Variants in GPR157 observed in about 807,000 individuals in gnomAD.
GPR157 encodes the protein G-protein coupled receptor 157.
A neutral mutation model predicts 23.5 loss-of-function variants in GPR157; 16 were observed. The observed-to-expected ratio is 0.68, with a 90% CI of 0.46 to 1.04. The LOEUF (loss-of-function observed/expected upper bound fraction) is 1.04. Ranked by LOEUF, GPR157 falls within the 50% of genes least tolerant of loss-of-function variation. The pLI is 0.00. For synonymous variants in GPR157, 200 were observed against 221.5 expected, an observed-to-expected ratio of 0.90 and a Z score of 0.86; for missense variants, 440 against 460.7, an observed-to-expected ratio of 0.96 and a Z score of 0.41.
chr1:9,109,908 A>C (rs1638437529), intron 2 of GPR157, among the ~76,000 whole-genome samples: 1 of 152,104 alleles, frequency 6.6e-6, no homozygotes, highest in East Asian at 1.9e-4. Context: ...GTGCCTCCTG[A>C]CTCAGAAATG....
intron 1 of GPR157, among the ~76,000 whole-genome samples, chr1:9,114,915 C>T (rs1277204074): frequency 2.1e-4 from 23 of 109,036 alleles, no homozygotes; most frequent in African/African-American, 7.4e-4. Context: ...AGCGAGACTC[C>T]GTCTCAAAAA....
intron 2 of GPR157, among the ~76,000 whole-genome samples, chr1:9,109,128 G>T (rs758095716): frequency 7.0e-6 from 1 of 143,730 alleles, no homozygotes; most frequent in Non-Finnish European, 1.5e-5. Flanking sequence ...TGTGGCCCAG[G>T]CTAGAGTACA....
In GPR157 at chr1:9,128,783, T is replaced by C; in HGVS notation, c.245A>G (p.Gln82Arg). 2 of 1,611,766 alleles carry C rather than the reference T, an allele frequency of 1.2e-6. No homozygotes were observed. The highest frequency in any genetic ancestry group is 1.7e-6 in the Non-Finnish European group (2 of 1,178,884). ...FAGPSWDCVL[Q>R]GALSTFANTS... ...GTTGGCGAAGGTGGACAGCGCGCCC[T>C]GCAGCACGCAGTCCCACGACGGGCC... Residue 82 changes from glutamine to arginine, a missense_variant, in exon 1 of 4, where the codon CAG becomes CGG. Gln to Arg is a conservative substitution (Grantham distance 43). Coordinates refer to ENST00000377411, the MANE Select transcript of GPR157 (RefSeq NM_024980.5). This position sits in a 1 kb window ranked among gnomAD's most constrained non-coding sequence, Gnocchi z 6.3.
chr1:9,128,011 C>T lies in GPR157; in HGVS notation c.383+634G>A, dbSNP rs1639001336. The stretch of plus-strand genomic sequence containing the variant: ...CCAGGAGGACTCCGAGACTCCCAGA[C>T]CAGCCCTCCGCCCCTGCCCTCAATC... On this transcript the variant is annotated intron_variant, in intron 1 of 3. Coordinates refer to ENST00000377411, the MANE Select transcript of GPR157 (RefSeq NM_024980.5). The surrounding 1 kb of genome is among the most constrained non-coding windows in gnomAD (Gnocchi z 6.3). Among the ~76,000 whole-genome samples, 1 of 152,192 alleles carries T rather than the reference C, an allele frequency of 6.6e-6. No homozygotes were observed. The highest frequency in any genetic ancestry group is 2.4e-5 in the African/African-American group (1 of 41,454).
At chr1:9,123,191 A>G (rs1455607118) in intron 1 of GPR157, among the ~76,000 whole-genome samples, 5 of 133,864 alleles carry the variant, frequency 3.7e-5, no homozygotes, top group East Asian at 4.0e-4. Context: ...ATATATATAT[A>G]TAAATAAAAT....
intron 2 of GPR157, among the ~76,000 whole-genome samples, chr1:9,107,630 C>A (rs995501713): frequency 1.3e-5 from 2 of 151,764 alleles, no homozygotes; most frequent in Non-Finnish European, 2.9e-5. Flanking sequence ...ACTAAAAATA[C>A]AAAATTAGGC....
rs1315819801 is a variant in GPR157, at chr1:9,101,248, G to A, written c.*3171C>T. 1 of 151,434 alleles carries A rather than the reference G, an allele frequency of 6.6e-6. No homozygotes were observed. Among genetic ancestry groups the A allele is most frequent in the African/African-American group, 2.4e-5 (1 of 41,132 alleles). The allele number at this position is 151,434 out of a possible 1,614,324, so 9.4% of individuals were successfully genotyped here. A position where few individuals can be genotyped will look rare whatever the true frequency, so the allele number is the denominator to read the frequency against. On this transcript the variant is annotated 3_prime_UTR_variant, in exon 4 of 4. Coordinates refer to ENST00000377411, the MANE Select transcript of GPR157 (RefSeq NM_024980.5). Reference sequence around the variant, plus strand: ...TTTTTGTATATTTAGTAGAAACAGGGTTTCACCATGTTGGCCAGGCTGGTC... The same window carrying A: ...TTTTTGTATATTTAGTAGAAACAGGATTTCACCATGTTGGCCAGGCTGGTC...
intron 1 of GPR157, among the ~76,000 whole-genome samples, chr1:9,113,956 AACACACACACACACACACACAC>A (rs35650719): frequency 6.6e-5 from 8 of 121,892 alleles, no homozygotes; most frequent in Non-Finnish European, 1.2e-4. Context: ...AAAAAAACCA[AACACACACACACACACACACAC>A]ACACACACAC....
In GPR157 at chr1:9,104,577, G is replaced by A. The variant is rs142706864; in HGVS notation, c.850C>T (p.Arg284Cys). 1.3e-4 allele frequency: 203 copies of A among 1,613,664 alleles called. 2 individuals are homozygous for A. The East Asian group carries it at 3.7e-3, about 29-fold the overall frequency. The change falls in exon 4 of 4, where the codon CGC becomes TGC. Residue 284 changes from arginine to cysteine, a missense_variant. Transcript: ENST00000377411. ...GAGAAGAGCCGAGTTCGGACGGCGC[G>A]GGTGCAGAGGACGAACATGATGCAG... The part of the protein sequence containing the change: ...ANCIMFVLCT[R>C]AVRTRLFSLC...
At chr1:9,125,527 C>G (rs1638946694) in intron 1 of GPR157, among the ~76,000 whole-genome samples, 1 of 152,194 alleles carries the variant, frequency 6.6e-6, no homozygotes, top group Non-Finnish European at 1.5e-5. Flanking sequence ...CACGCAGGTG[C>G]TCTCCTGGGA....
At position 9,128,847 on chromosome 1, in the gene GPR157, C is replaced by A; in HGVS notation, c.181G>T (p.Ala61Ser). 3.8e-6 allele frequency: 6 copies of A among 1,596,958 alleles called. No homozygotes were observed. The highest frequency in any genetic ancestry group is 5.1e-6 in the Non-Finnish European group (6 of 1,172,624). The change falls in exon 1 of 4, where the codon GCC becomes TCC. Residue 61 changes from alanine (A) to serine (S), a missense_variant. Physicochemically the swap from Ala to Ser is moderately conservative, Grantham distance 99. Transcript: ENST00000377411. The surrounding 1 kb of genome is among the most constrained non-coding windows in gnomAD (Gnocchi z 6.3). Reference protein sequence around the residue: ...LFLSLADLLSAASYFYGVLQN... With the variant: ...LFLSLADLLSSASYFYGVLQN... ...AGCACTCCGTAGAAGTAGGAGGCGG[C>A]CGAGAGCAGGTCGGCCAGCGACAGG...
At chr1:9,107,629 A>G (rs1450077198) in intron 2 of GPR157, among the ~76,000 whole-genome samples, 1 of 152,140 alleles carries the variant, frequency 6.6e-6, no homozygotes, top group Non-Finnish European at 1.5e-5. Flanking sequence ...TACTAAAAAT[A>G]CAAAATTAGG....
intron 1 of GPR157, among the ~76,000 whole-genome samples, chr1:9,126,825 A>G (rs1020533636): frequency 2.0e-5 from 3 of 152,316 alleles, no homozygotes; most frequent in Non-Finnish European, 4.4e-5. Context: ...ATTTTCTTTT[A>G]AGATGCAGGC....
At chr1:9,117,384 A>G (rs1030475798) in intron 1 of GPR157, among the ~76,000 whole-genome samples, 5 of 152,218 alleles carry the variant, frequency 3.3e-5, no homozygotes, top group Non-Finnish European at 5.9e-5. Flanking sequence ...GGCCACCCTG[A>G]GCTGCAGGTA....
chr1:9,122,108 G>T (rs1638810913), intron 1 of GPR157, among the ~76,000 whole-genome samples: 2 of 152,170 alleles, frequency 1.3e-5, no homozygotes, highest in Admixed American at 1.3e-4. Flanking sequence ...GGGAGGAAGG[G>T]CTGCGCCACT....
Position 9,101,963 on chromosome 1 carries a change from C to T in GPR157, c.*2456G>A, listed in dbSNP as rs1009975904. On this transcript the variant is annotated 3_prime_UTR_variant, in exon 4 of 4. Transcript: ENST00000377411. Reference sequence around the variant, plus strand: ...CTAGAAGCTCAAGTGAGGGTCTTTACCAGAGACATACCCAGAGATTTGCTG... The same window carrying T: ...CTAGAAGCTCAAGTGAGGGTCTTTATCAGAGACATACCCAGAGATTTGCTG... 4 of 152,184 alleles carry T rather than the reference C, an allele frequency of 2.6e-5. No homozygotes were observed. Among genetic ancestry groups the T allele is most frequent in the African/African-American group, 9.7e-5 (4 of 41,432 alleles). 9.4% of individuals were successfully genotyped at this position (152,184 alleles called of 1,614,324 possible).
chr1:9,117,968 A>G (rs988736793), intron 1 of GPR157, among the ~76,000 whole-genome samples: 4 of 152,308 alleles, frequency 2.6e-5, no homozygotes, highest in African/African-American at 9.6e-5. Flanking sequence ...CAACCTAGAA[A>G]TTCATGTGGT....
rs114402453 is a variant in GPR157, at chr1:9,114,062, C to T, written c.384-2573G>A. On this transcript the variant is annotated intron_variant, in intron 1 of 3. Transcript: ENST00000377411. ...CAGGCCAGGCGAGGTGGCTCACGCC[C>T]GAATCCCAGGACTTTTGGGACTTTG... Among the ~76,000 whole-genome samples, 704 of 151,512 alleles carry T rather than the reference C, an allele frequency of 4.6e-3. 9 individuals are homozygous for T. Among genetic ancestry groups the T allele is most frequent in the African/African-American group, 0.017 (686 of 41,290 alleles).
chr1:9,123,424 AT>A (rs1638872870), intron 1 of GPR157, among the ~76,000 whole-genome samples: 2 of 110,528 alleles, frequency 1.8e-5, no homozygotes, highest in African/African-American at 7.7e-5. Flanking sequence ...ACATATTAAA[AT>A]ATATATATTT....
Sources: gnomAD v4.1 joint callset for allele counts (sites outside exome capture counted in the v4.1 genomes callset) on GRCh38, gnomAD v4.1.1 for gene constraint, Gnocchi (gnomAD v3.1) non-coding constraint, MANE v1.5 for transcripts, NCBI Gene and HGNC (gene_info 2026-07-23, HGNC 2026-07-21) for gene names.